The following FXYD6 variants were observed in gnomAD, a reference collection of about 807,000 sequenced individuals.
The protein encoded by FXYD6 is FXYD domain-containing ion transport regulator 6.
FXYD6 carries 7 observed loss-of-function variants against 16.7 expected under a neutral mutation model. The ratio of observed to expected loss-of-function variants is 0.42; its 90% CI spans 0.24 to 0.79. FXYD6 has a LOEUF of 0.79. Among genes scored for constraint, FXYD6 ranks in the 30% least tolerant of loss-of-function variants. The probability of loss-of-function intolerance (pLI) is 0.28; values close to 1 mark genes in which losing one functional copy is unlikely to be tolerated. For synonymous variants in FXYD6, 49 were observed against 43.0 expected, an observed-to-expected ratio of 1.14 and a Z score of -0.54; for missense variants, 111 against 116.2, an observed-to-expected ratio of 0.95 and a Z score of 0.21.
chr11:117,871,198 C>A (rs2057127155), intron 1 of FXYD6, among the ~76,000 whole-genome samples: 1 of 152,176 alleles, frequency 6.6e-6, no homozygotes, highest in Admixed American at 6.5e-5. Flanking sequence ...AGTTTCTAGA[C>A]TCTACCAAAG....
intron 1 of FXYD6, among the ~76,000 whole-genome samples, chr11:117,843,144 AG>A (rs1477515696): frequency 6.6e-6 from 1 of 152,188 alleles, no homozygotes; most frequent in African/African-American, 2.4e-5. Flanking sequence ...CATGTTGGCC[AG>A]GCTGGTCTCG....
chr11:117,858,110 TG>T (rs1438789090), intron 1 of FXYD6: 1 of 152,290 alleles, frequency 6.6e-6, no homozygotes, highest in Non-Finnish European at 1.5e-5. Context: ...CGATCTTCCT[TG>T]GCACCCCACC....
chr11:117,860,062 A>C (rs78559460), intron 1 of FXYD6, among the ~76,000 whole-genome samples: 4,159 of 152,212 alleles, frequency 0.027, 207 homozygotes, highest in Non-Finnish European at 0.027. Flanking sequence ...AAAGAAACTG[A>C]GGTAGGGAAA....
At chr11:117,846,215 C>T (rs1269473487) in intron 1 of FXYD6, among the ~76,000 whole-genome samples, 1 of 152,118 alleles carries the variant, frequency 6.6e-6, no homozygotes, top group Non-Finnish European at 1.5e-5. Flanking sequence ...ATTTGTCATT[C>T]CTGTTTCTTC....
At position 117,840,360 on chromosome 11, in the gene FXYD6, C is replaced by T; in HGVS notation, c.218G>A (p.Gly73Glu). 6.2e-7 allele frequency: 1 copy of T among 1,614,140 alleles called. No homozygotes were observed. The highest frequency in any genetic ancestry group is 8.5e-7 in the Non-Finnish European group (1 of 1,180,016). Reference protein sequence around the residue: ...CSFNQKPRAPGDEEAQVENLI... With the variant: ...CSFNQKPRAPEDEEAQVENLI... Reference sequence around the variant, plus strand: ...GTTCTCCACCTGGGCTTCCTCATCTCCTGGGGCCCTGCAGGAGAAAGAGAC... The same window carrying T: ...GTTCTCCACCTGGGCTTCCTCATCTTCTGGGGCCCTGCAGGAGAAAGAGAC... Residue 73 changes from glycine (G) to glutamate (E), a missense_variant, in exon 6 of 8, where the codon GGA (glycine) becomes GAA (glutamate). Transcript: ENST00000526014.
chr11:117,854,488 C>T (rs1049050394), intron 1 of FXYD6, among the ~76,000 whole-genome samples: 2 of 152,210 alleles, frequency 1.3e-5, no homozygotes, highest in African/African-American at 4.8e-5. Flanking sequence ...CAAGCCAACA[C>T]TGAACTCCTA....
intron 1 of FXYD6, among the ~76,000 whole-genome samples, chr11:117,843,149 G>A (rs775979894): frequency 2.6e-5 from 4 of 152,110 alleles, no homozygotes; most frequent in African/African-American, 4.8e-5. Flanking sequence ...TGGCCAGGCT[G>A]GTCTCGAACT....
At chr11:117,869,918 C>A (rs1459598320) in intron 1 of FXYD6, among the ~76,000 whole-genome samples, 1 of 152,214 alleles carries the variant, frequency 6.6e-6, no homozygotes, top group African/African-American at 2.4e-5. Flanking sequence ...CACTGTCATT[C>A]CAATCACATC....
intron 1 of FXYD6, among the ~76,000 whole-genome samples, chr11:117,849,755 G>A (rs1271401772): frequency 6.7e-6 from 1 of 150,134 alleles, no homozygotes; most frequent in Non-Finnish European, 1.5e-5. Context: ...GGTAGCTGAA[G>A]GCCTCGGTAG....
chr11:117,840,356 A>T lies in FXYD6; in HGVS notation c.222T>A (p.Asp74Glu), dbSNP rs1473135072. 1 of 1,613,936 alleles carries T rather than the reference A, an allele frequency of 6.2e-7. No homozygotes were observed. The highest frequency in any genetic ancestry group is 1.3e-5 in the African/African-American group (1 of 74,880). The change falls in exon 6 of 8, where the codon GAT (aspartate) becomes GAA (glutamate). Residue 74 changes from aspartate (D) to glutamate (E), a missense_variant. Coordinates refer to ENST00000526014, the MANE Select transcript of FXYD6 (RefSeq NM_022003.4). ...TGAGGTTCTCCACCTGGGCTTCCTC[A>T]TCTCCTGGGGCCCTGCAGGAGAAAG... ...SFNQKPRAPG[D>E]EEAQVENLIT...
At chr11:117,840,271 C>T in intron 6 of FXYD6, 48 bp downstream of exon 6, 3 of 1,613,528 alleles carry the variant, frequency 1.9e-6, no homozygotes, top group Non-Finnish European at 2.5e-6. Context: ...ACAGAGGGGT[C>T]TCTCTGTTCC....
At chr11:117,840,570 A>C (rs1449107083) in intron 5 of FXYD6, among the ~76,000 whole-genome samples, 1 of 152,130 alleles carries the variant, frequency 6.6e-6, no homozygotes, top group African/African-American at 2.4e-5. Context: ...GGGAACTTAC[A>C]GGCACCCTTC....
intron 1 of FXYD6, among the ~76,000 whole-genome samples, chr11:117,874,482 C>G (rs1340591055): frequency 6.6e-6 from 1 of 152,220 alleles, no homozygotes; most frequent in Non-Finnish European, 1.5e-5. Flanking sequence ...GGCCTGAACC[C>G]CAGGCAACGG....
At chr11:117,867,483 C>T (rs536314552) in intron 1 of FXYD6, among the ~76,000 whole-genome samples, 30 of 152,322 alleles carry the variant, frequency 2.0e-4, no homozygotes, top group African/African-American at 6.5e-4. Flanking sequence ...TTAACCTCCT[C>T]CTTCCCCTCT....
chr11:117,843,150 G>T (rs1046691812), intron 1 of FXYD6, among the ~76,000 whole-genome samples: 1 of 152,134 alleles, frequency 6.6e-6, no homozygotes, highest in Non-Finnish European at 1.5e-5. Flanking sequence ...GGCCAGGCTG[G>T]TCTCGAACTC....
At position 117,841,915 on chromosome 11, in the gene FXYD6, C is replaced by A. The variant is rs757826261; in HGVS notation, c.98-50G>T. ...GAGGAAGGGGCCAGGGAGAGGGTGT[C>A]TGTTCCCCCTACCCCTCCTGCCAGG... On this transcript the variant is annotated intron_variant, in intron 3 of 7. Transcript: ENST00000526014. 40 of 1,613,836 alleles carry A rather than the reference C, an allele frequency of 2.5e-5. 1 individual carries two copies. The highest frequency in any genetic ancestry group is 5.0e-5 in the Admixed American group (3 of 60,000).
chr11:117,875,378 G>C (rs567649354), intron 1 of FXYD6, among the ~76,000 whole-genome samples: 77 of 152,144 alleles, frequency 5.1e-4, no homozygotes, highest in African/African-American at 1.8e-3. Flanking sequence ...AGATATCTAG[G>C]TCTCCTAGCC....
At chr11:117,838,366 C>T (rs1161405311) in intron 7 of FXYD6, 89 bp from the exon 8 acceptor site, 1 of 696,736 alleles carries the variant, frequency 1.4e-6, no homozygotes, top group Non-Finnish European at 2.6e-6. Context: ...CACCTGCCCA[C>T]TGAAATTCCC....
rs1051001746 is a variant in FXYD6, at chr11:117,842,236, C to G, written c.59-208G>C. ...TAAGGGCCGAGGTCAGTGAAGGCATCGAAACTCAGTGAGGCTCTGAGTCAT... is the reference window on the plus strand; with the variant it reads ...TAAGGGCCGAGGTCAGTGAAGGCATGGAAACTCAGTGAGGCTCTGAGTCAT... On this transcript the variant is annotated intron_variant, in intron 2 of 7. Transcript: ENST00000526014. 1.5e-5 allele frequency: 10 copies of G among 645,984 alleles called. No individual in the cohort carries two copies. In the Admixed American group the frequency reaches 2.6e-4, roughly 17 times the overall value. 40.0% of individuals were successfully genotyped at this position (645,984 alleles called of 1,614,324 possible). A position where few individuals can be genotyped will look rare whatever the true frequency, so the allele number is the denominator to read the frequency against.
Sources: allele counts gnomAD v4.1 joint callset (sites outside exome capture counted in the v4.1 genomes callset), GRCh38; gene constraint gnomAD v4.1.1; transcripts MANE v1.5; gene names NCBI Gene and HGNC (gene_info 2026-07-23, HGNC 2026-07-21).